Variants in VPS13B observed in about 807,000 individuals in gnomAD.
The protein encoded by VPS13B is intermembrane lipid transfer protein VPS13B.
Under a neutral mutation model 426.4 loss-of-function variants are expected in VPS13B, and 285 were observed. That is an observed-to-expected ratio of 0.67 (90% CI 0.61 to 0.74). The LOEUF (loss-of-function observed/expected upper bound fraction) is 0.74, where lower values mean the gene tolerates loss of function less well. Ranked by LOEUF, VPS13B falls within the 30% of genes least tolerant of loss-of-function variation. The probability of loss-of-function intolerance (pLI) is 0.00; values close to 1 mark genes in which losing one functional copy is unlikely to be tolerated. For missense variants in VPS13B, 4,537 were observed against 4,782.6 expected (o/e 0.95, Z 1.51); for synonymous variants, 1,676 against 1,676.4 (o/e 1.00, Z 0.01).
intron 19 of VPS13B, among the ~76,000 whole-genome samples, chr8:99,281,655 A>T (rs1278080244): frequency 6.6e-6 from 1 of 152,190 alleles, no homozygotes; most frequent in Non-Finnish European, 1.5e-5. Context: ...CCTGTGCGAT[A>T]AGTAATAAAG....
chr8:99,532,940 G>GTTT (rs1359948269), intron 30 of VPS13B, among the ~76,000 whole-genome samples: 5 of 128,734 alleles, frequency 3.9e-5, no homozygotes, highest in African/African-American at 1.5e-4. Flanking sequence ...ACTGAGGGGT[G>GTTT]TTTTTTTTTT....
Position 99,690,098 on chromosome 8 carries a change from G to A in VPS13B, c.6047-9427G>A, listed in dbSNP as rs539031456. Among the ~76,000 whole-genome samples the A allele has an allele frequency of 6.6e-5, 10 of 152,064 alleles. No individual in the cohort carries two copies. In the East Asian group the frequency reaches 1.9e-3, roughly 29 times the overall value. On this transcript the variant is annotated intron_variant, in intron 35 of 61. Transcript: ENST00000357162. ...ATAGAATTTGGAAGCCCACATACAG[G>A]GATGCAGAGGCAAATGTGTGAGTCA... is the stretch of plus-strand genomic sequence containing the variant.
intron 3 of VPS13B, among the ~76,000 whole-genome samples, chr8:99,073,874 GATC>G (rs1342501657): frequency 6.6e-6 from 1 of 151,770 alleles, no homozygotes; most frequent in Non-Finnish European, 1.5e-5. Context: ...TGACTCAAGT[GATC>G]CTCCGTTCTG....
chr8:99,744,831 G>C (rs993800222), intron 39 of VPS13B, among the ~76,000 whole-genome samples: 2 of 146,942 alleles, frequency 1.4e-5, no homozygotes, highest in Admixed American at 6.8e-5. Context: ...GGGGTGGGGG[G>C]AAGGGGGAGG....
intron 17 of VPS13B, among the ~76,000 whole-genome samples, chr8:99,205,781 T>C (rs1009852722): frequency 2.0e-5 from 3 of 152,198 alleles, no homozygotes; most frequent in African/African-American, 7.2e-5. Flanking sequence ...TTCTTAAATA[T>C]CATCCCGCAG....
chr8:99,336,796 A>C (rs1446466412), intron 19 of VPS13B, among the ~76,000 whole-genome samples: 1 of 152,210 alleles, frequency 6.6e-6, no homozygotes, highest in East Asian at 1.9e-4. Context: ...AGAAATGCAA[A>C]TCAAAACCAC....
chr8:99,538,089 A>G (rs1823355254), intron 30 of VPS13B, among the ~76,000 whole-genome samples: 1 of 152,142 alleles, frequency 6.6e-6, no homozygotes, highest in African/African-American at 2.4e-5. Flanking sequence ...CCTTGTTTTT[A>G]AATCAGCATT....
Position 99,876,306 on chromosome 8 carries a change from T to C in VPS13B, c.*640T>C, listed in dbSNP as rs1369209651. 1 of 153,222 alleles carries C rather than the reference T, an allele frequency of 6.5e-6. No individual in the cohort carries two copies. Among genetic ancestry groups the C allele is most frequent in the Non-Finnish European group, 1.5e-5 (1 of 68,770 alleles). The allele number at this position is 153,222 out of a possible 1,614,324, so 9.5% of individuals were successfully genotyped here. ...GTCATTTAACTGCAGTGCTATTCTT[T>C]GAAAGCTGCTATGTGTATTTTCTCT... On this transcript the variant is annotated 3_prime_UTR_variant, in exon 62 of 62. Transcript: ENST00000357162.
At chr8:99,441,682 T>G (rs2133438790) in intron 22 of VPS13B, among the ~76,000 whole-genome samples, 1 of 152,232 alleles carries the variant, frequency 6.6e-6, no homozygotes, top group East Asian at 1.9e-4. Context: ...TCTTAACCTC[T>G]GAGGTCCTGG....
In VPS13B at chr8:99,303,730, C is replaced by CAA. The variant is rs58708195; in HGVS notation, c.2824+28496_2824+28497dup. ...GGTGAGACAGAGTGAGACTCCGTCT[C>CAA]AAAAAAAAAAAAAAAAAAAAAGAAT... On this transcript the variant is annotated intron_variant, in intron 19 of 61. Coordinates refer to ENST00000357162, the MANE Select transcript of VPS13B (RefSeq NM_152564.5). 1.6e-3 allele frequency among the ~76,000 whole-genome samples: 102 copies of CAA among 63,698 alleles called. 7 individuals are homozygous for CAA. The highest frequency in any genetic ancestry group is 6.8e-3 in the African/African-American group (96 of 14,132). 41.8% of individuals were successfully genotyped at this position (63,698 alleles called of 152,430 possible).
chr8:99,056,455 C>T (rs982686394), intron 3 of VPS13B, among the ~76,000 whole-genome samples: 4 of 152,132 alleles, frequency 2.6e-5, no homozygotes, highest in Non-Finnish European at 5.9e-5. Flanking sequence ...TATATAGAGT[C>T]ATGTTATCTG....
intron 17 of VPS13B, among the ~76,000 whole-genome samples, chr8:99,219,322 G>A (rs938481999): frequency 1.2e-4 from 19 of 152,268 alleles, no homozygotes; most frequent in African/African-American, 4.1e-4. Context: ...ATACCATTGG[G>A]TTTCAGTTTA....
intron 54 of VPS13B, among the ~76,000 whole-genome samples, chr8:99,838,637 C>T (rs1045835450): frequency 1.3e-5 from 2 of 152,212 alleles, no homozygotes; most frequent in African/African-American, 4.8e-5. Flanking sequence ...AGCCCCTGCC[C>T]TCAAGTTTAC....
chr8:99,124,669 A>G (rs531077101), intron 8 of VPS13B, among the ~76,000 whole-genome samples: 1 of 152,008 alleles, frequency 6.6e-6, no homozygotes, highest in South Asian at 2.1e-4. Context: ...GGTGGATCAC[A>G]AGGTCAGGAG....
At chr8:99,744,007 A>G (rs1588675584) in intron 39 of VPS13B, among the ~76,000 whole-genome samples, 4 of 152,094 alleles carry the variant, frequency 2.6e-5, no homozygotes, top group Non-Finnish European at 2.9e-5. Flanking sequence ...CTTCTGCACA[A>G]CAAAAGAAAC....
rs142559023 is a variant in VPS13B at position 99,313,943 on chromosome 8, T to C, written c.2824+38689T>C. Among the ~76,000 whole-genome samples the C allele has an allele frequency of 4.3e-4, 66 of 152,238 alleles. No homozygotes were observed. The Middle Eastern group carries it at 0.01, about 24-fold the overall frequency. On this transcript the variant is annotated intron_variant, in intron 19 of 61. Transcript: ENST00000357162. ...TGCTGTGCTAGCAATGAGTGAGGCT[T>C]CGTGGGCTTGGGACCCTCCAAGCCA...
chr8:99,176,112 G>A (rs549885310), intron 16 of VPS13B, among the ~76,000 whole-genome samples: 1 of 151,638 alleles, frequency 6.6e-6, no homozygotes, highest in Admixed American at 6.6e-5. Flanking sequence ...ATTGGGCTTA[G>A]TGCAATACTG....
At chr8:99,571,078 T>G (rs940473501) in intron 31 of VPS13B, among the ~76,000 whole-genome samples, 2 of 152,194 alleles carry the variant, frequency 1.3e-5, no homozygotes, top group African/African-American at 4.8e-5. Context: ...GGGCCCCAGA[T>G]CTAGGTAGGC....
intron 17 of VPS13B, among the ~76,000 whole-genome samples, chr8:99,212,169 A>G (rs373652098): frequency 3.3e-4 from 51 of 152,328 alleles, no homozygotes; most frequent in African/African-American, 1.2e-3. Context: ...CTGAGGTTAC[A>G]GGCATGAGCC....
Sources: allele counts gnomAD v4.1 joint callset (sites outside exome capture counted in the v4.1 genomes callset), GRCh38; gene constraint gnomAD v4.1.1; transcripts MANE v1.5; gene names NCBI Gene and HGNC (gene_info 2026-07-23, HGNC 2026-07-21).